AMOT: variants seen among roughly 807,000 people sequenced by gnomAD.
AMOT encodes angiomotin.
AMOT carries 11 observed loss-of-function variants against 67.0 expected under a neutral mutation model. The observed-to-expected ratio is 0.16, with a 90% confidence interval of 0.10 to 0.27. AMOT has a LOEUF of 0.27. Ranked by LOEUF, AMOT falls within the 10% of genes least tolerant of loss-of-function variation. AMOT has a pLI of 1.00. For synonymous variants in AMOT, 326 were observed against 321.4 expected, an observed-to-expected ratio of 1.01 and a Z score of -0.15; for missense variants, 753 against 852.0, an observed-to-expected ratio of 0.88 and a Z score of 1.45.
At chrX:112,831,651 C>T (rs1256628970) in intron 2 of AMOT, among the ~76,000 whole-genome samples, 1 of 109,455 alleles carries the variant, frequency 9.1e-6, no homozygotes, top group Non-Finnish European at 1.9e-5. Flanking sequence ...TATCAAAAAC[C>T]TATAAGCTGA....
chrX:112,790,141 G>A (rs1933518910), intron 10 of AMOT, among the ~76,000 whole-genome samples: 1 of 106,299 alleles, frequency 9.4e-6, no homozygotes, highest in Non-Finnish European at 1.9e-5. Context: ...TTCAAGTTCA[G>A]CACAGCCTTT....
chrX:112,824,489 C>T (rs949781012), intron 3 of AMOT, among the ~76,000 whole-genome samples: 6 of 111,650 alleles, frequency 5.4e-5, no homozygotes, highest in Non-Finnish European at 7.5e-5. Flanking sequence ...GAACCCCTTT[C>T]TTTTGGTCAT....
intron 1 of AMOT, among the ~76,000 whole-genome samples, chrX:112,834,152 T>C (rs1477238556): frequency 8.9e-6 from 1 of 112,022 alleles, no homozygotes; most frequent in Non-Finnish European, 1.9e-5. Context: ...CATTTTCTGA[T>C]GTCAGCAATC....
intron 2 of AMOT, among the ~76,000 whole-genome samples, 170 bp downstream of exon 2, chrX:112,832,124 T>G (rs1474918366): frequency 9.0e-6 from 1 of 111,411 alleles, no homozygotes; most frequent in Non-Finnish European, 1.9e-5. Flanking sequence ...GGGTGCGTGA[T>G]TTTTCATTGT....
At chrX:112,810,007 C>T (rs767584950) in intron 6 of AMOT, 21 bp from the exon 7 acceptor site, 19 of 1,156,922 alleles carry the variant, frequency 1.6e-5, no homozygotes, top group Middle Eastern at 2.5e-4. Flanking sequence ...TGGAGACAAT[C>T]AACAGGGTCT....
intron 10 of AMOT, among the ~76,000 whole-genome samples, chrX:112,785,761 T>C (rs1933346182): frequency 8.9e-6 from 1 of 112,038 alleles, no homozygotes; most frequent in South Asian, 3.7e-4. Context: ...CATGAAACTA[T>C]GCACCAGCGA....
At chrX:112,808,450 A>T (rs1934256949) in intron 7 of AMOT, among the ~76,000 whole-genome samples, 1 of 111,470 alleles carries the variant, frequency 9.0e-6, no homozygotes, top group South Asian at 3.8e-4. Context: ...TTCTCCTGCC[A>T]CAGTTCCAAC....
At chrX:112,819,333 C>G in intron 4 of AMOT, 1 of 753,737 alleles carries the variant, frequency 1.3e-6, no homozygotes, top group Non-Finnish European at 1.6e-6. Context: ...ACCACAGAAA[C>G]TGCCTTTCCC....
chrX:112,826,346 C>CA (rs1934841175), intron 2 of AMOT, among the ~76,000 whole-genome samples: 1 of 112,569 alleles, frequency 8.9e-6, no homozygotes, highest in Non-Finnish European at 1.9e-5. Flanking sequence ...AAAAACTCCA[C>CA]AAAACCACAA....
Position 112,775,799 on chromosome X carries a change from A to G in AMOT, c.*2768T>C, listed in dbSNP as rs1602740954. The G allele has an allele frequency of 8.9e-6, 1 of 112,252 alleles. No homozygotes were observed. Among genetic ancestry groups the G allele is most frequent in the Non-Finnish European group, 1.9e-5 (1 of 53,203 alleles). The allele number at this position is 112,252 out of a possible 1,213,427, so 9.3% of individuals were successfully genotyped here. On this transcript the variant is annotated 3_prime_UTR_variant, in exon 14 of 14. Transcript: ENST00000371959. ...AATTAGAAGGTCCTCAGAGATCACC[A>G]AGCAGTACAAGCTAAGACAACCTGG... is the stretch of plus-strand genomic sequence containing the variant.
chrX:112,809,178 C>G (rs1934278605), intron 7 of AMOT, among the ~76,000 whole-genome samples: 1 of 111,899 alleles, frequency 8.9e-6, no homozygotes, highest in African/African-American at 3.2e-5. Flanking sequence ...TTCCCCCCGA[C>G]TAATTCTCCC....
chrX:112,815,955 G>A (rs1934544659), intron 4 of AMOT, 78 bp from the exon 5 acceptor site: 5 of 1,116,546 alleles, frequency 4.5e-6, no homozygotes, highest in Non-Finnish European at 5.9e-6. Context: ...AAAGTGAGAT[G>A]AGGAGGCTTC....
chrX:112,829,794 G>A (rs886596255), intron 2 of AMOT, among the ~76,000 whole-genome samples: 2 of 111,410 alleles, frequency 1.8e-5, no homozygotes, highest in African/African-American at 3.3e-5. Context: ...GGCAACAAAG[G>A]TGATCAACCC....
At chrX:112,829,279 T>C (rs1163980600) in intron 2 of AMOT, among the ~76,000 whole-genome samples, 2 of 111,547 alleles carry the variant, frequency 1.8e-5, no homozygotes, top group Admixed American at 1.9e-4. Flanking sequence ...GGGGCAGATC[T>C]TCTTGGTGCT....
chrX:112,798,478 A>G (rs750320564), intron 8 of AMOT, among the ~76,000 whole-genome samples: 1 of 112,516 alleles, frequency 8.9e-6, no homozygotes, highest in East Asian at 2.8e-4. Context: ...TTCTGCCTCA[A>G]TTGGAAGGCA....
At chrX:112,795,411 C>G (rs770138065) in intron 8 of AMOT, among the ~76,000 whole-genome samples, 21 of 111,260 alleles carry the variant, frequency 1.9e-4, no homozygotes, top group African/African-American at 6.9e-4. Context: ...CAACTTGCTT[C>G]TCTATTCTCA....
At chrX:112,804,855 C>A in intron 8 of AMOT, 92 bp downstream of exon 8, 1 of 1,130,811 alleles carries the variant, frequency 8.8e-7, no homozygotes, top group Non-Finnish European at 1.2e-6. Context: ...GGGGATTATG[C>A]AGCTGCCAAT....
intron 3 of AMOT, among the ~76,000 whole-genome samples, chrX:112,823,518 T>G (rs1934766928): frequency 9.0e-6 from 1 of 111,718 alleles, no homozygotes; most frequent in African/African-American, 3.3e-5. Flanking sequence ...ATTCACAGGC[T>G]TCATCTCTCT....
intron 7 of AMOT, among the ~76,000 whole-genome samples, chrX:112,805,983 T>G (rs1456979946): frequency 9.0e-6 from 1 of 111,320 alleles, no homozygotes; most frequent in Non-Finnish European, 1.9e-5. Flanking sequence ...AGTAATCCAA[T>G]ATGGCTGGGC....
Sources: allele counts gnomAD v4.1 joint callset (sites outside exome capture counted in the v4.1 genomes callset), GRCh38; gene constraint gnomAD v4.1.1; transcripts MANE v1.5; gene names NCBI Gene and HGNC (gene_info 2026-07-23, HGNC 2026-07-21).